AP4S1: variants seen among roughly 807,000 people sequenced by gnomAD.
AP4S1 encodes adaptor related protein complex 4 subunit sigma 1, also known as AP-4 complex subunit sigma-1.
AP4S1 carries 23 observed loss-of-function variants against 19.8 expected under a neutral mutation model. The ratio of observed to expected loss-of-function variants is 1.16; its 90% CI spans 0.84 to 1.65. The LOEUF is 1.65. Ranked by LOEUF, AP4S1 falls within the 40% of genes most tolerant of loss-of-function variation. AP4S1 has a pLI of 0.00. For synonymous variants in AP4S1, 46 were observed against 54.1 expected, an observed-to-expected ratio of 0.85 and a Z score of 0.66; for missense variants, 166 against 172.8, an observed-to-expected ratio of 0.96 and a Z score of 0.22.
chr14:31,069,796 ACT>A (rs755310258), intron 2 of AP4S1, 45 bp from the exon 3 acceptor site: 15 of 1,409,484 alleles, frequency 1.1e-5, no homozygotes, highest in Admixed American at 5.0e-5. Flanking sequence ...ATTTTAAAGA[ACT>A]CTCTCTCAGC....
chr14:31,091,524 G>A (rs575463990), intron 5 of AP4S1, among the ~76,000 whole-genome samples: 2 of 149,374 alleles, frequency 1.3e-5, no homozygotes, highest in African/African-American at 2.5e-5. Flanking sequence ...TCAGAATAAC[G>A]CTTTTTTTTT....
chr14:31,061,122 C>T (rs1396159880), intron 1 of AP4S1, among the ~76,000 whole-genome samples: 9 of 152,124 alleles, frequency 5.9e-5, no homozygotes, highest in African/African-American at 1.9e-4. Flanking sequence ...CTCAAATGAT[C>T]CACTTGCCTC....
chr14:31,063,345 G>T (rs554044095), intron 1 of AP4S1, among the ~76,000 whole-genome samples: 1 of 152,048 alleles, frequency 6.6e-6, no homozygotes, highest in African/African-American at 2.4e-5. Flanking sequence ...CTGGAGAATC[G>T]CTTGAACCCA....
intron 1 of AP4S1, among the ~76,000 whole-genome samples, chr14:31,036,490 G>A (rs2139431172): frequency 6.6e-6 from 1 of 152,276 alleles, no homozygotes; most frequent in South Asian, 2.1e-4. Flanking sequence ...ATAATGTCTA[G>A]CTATCTGAAT....
At chr14:31,041,424 T>C (rs1386606407) in intron 1 of AP4S1, among the ~76,000 whole-genome samples, 1 of 152,152 alleles carries the variant, frequency 6.6e-6, no homozygotes, top group African/African-American at 2.4e-5. Context: ...GCTGGGATTA[T>C]AGGCATGAGC....
intron 5 of AP4S1, chr14:31,084,648 C>T (rs760711245): frequency 2.1e-5 from 31 of 1,504,476 alleles, no homozygotes; most frequent in Admixed American, 9.7e-5. Flanking sequence ...TCCACCCGCC[C>T]GGCTGAAGTG....
At position 31,084,765 on chromosome 14, in the gene AP4S1, T is replaced by C. The variant is rs754858244; in HGVS notation, c.306+4181T>C. ...AATTTTATGAATTAAGGTGTTTTTT[T>C]TAGGAACCAATTGATGAACTTCCCA... On this transcript the variant is annotated intron_variant, in intron 5 of 5. Transcript: ENST00000542754. 3 of 1,614,036 alleles carry C rather than the reference T, an allele frequency of 1.9e-6. No individual in the cohort carries two copies. In the South Asian group the frequency reaches 3.3e-5, roughly 18 times the overall value.
chr14:31,026,090 G>T, intron 1 of AP4S1: 2 of 1,528,406 alleles, frequency 1.3e-6, no homozygotes, highest in Non-Finnish European at 8.8e-7. Context: ...CGTTCCCCCC[G>T]GGCGAAAGGC....
At chr14:31,091,206 T>C (rs895916356) in intron 5 of AP4S1, among the ~76,000 whole-genome samples, 13 of 152,182 alleles carry the variant, frequency 8.5e-5, no homozygotes, top group African/African-American at 3.1e-4. Context: ...TGGGTTAAAA[T>C]TAGATTTCCT....
chr14:31,049,428 A>AAAATATATATATATATATAT (rs1384450221), intron 1 of AP4S1, among the ~76,000 whole-genome samples: 1 of 57,768 alleles, frequency 1.7e-5, no homozygotes, highest in African/African-American at 7.9e-5. Context: ...AAAAAAAAAA[A>AAAATATATATATATATATAT]ATATATATAT....
At chr14:31,086,983 A>G (rs1185016123) in intron 5 of AP4S1, among the ~76,000 whole-genome samples, 5 of 152,040 alleles carry the variant, frequency 3.3e-5, no homozygotes, top group Admixed American at 1.3e-4. Context: ...CTCAGCTTCC[A>G]GAGTAGGAAA....
chr14:31,035,921 G>A (rs962407934), intron 1 of AP4S1, among the ~76,000 whole-genome samples: 3 of 151,660 alleles, frequency 2.0e-5, no homozygotes, highest in Admixed American at 6.6e-5. Context: ...TGGTAGAGAC[G>A]GGGTTTCACC....
At chr14:31,026,597 T>A in intron 1 of AP4S1, 1 of 164,524 alleles carries the variant, frequency 6.1e-6, no homozygotes, top group East Asian at 1.7e-4. Flanking sequence ...GGGAAAGAGC[T>A]CGGGCTCCGC....
At chr14:31,078,212 T>C (rs1483950336) in intron 4 of AP4S1, among the ~76,000 whole-genome samples, 1 of 152,202 alleles carries the variant, frequency 6.6e-6, no homozygotes, top group African/African-American at 2.4e-5. Context: ...CTTTAAAATC[T>C]ATCTCTGTGT....
chr14:31,040,862 T>A (rs1885066706), intron 1 of AP4S1, among the ~76,000 whole-genome samples: 1 of 151,894 alleles, frequency 6.6e-6, no homozygotes, highest in Admixed American at 6.6e-5. Flanking sequence ...AATAAGAATT[T>A]AAAAAATTAG....
At chr14:31,083,350 ACAT>A (rs1211439758) in intron 5 of AP4S1, 5 of 407,386 alleles carry the variant, frequency 1.2e-5, no homozygotes, top group African/African-American at 4.2e-5. Flanking sequence ...TAGGAATTTT[ACAT>A]CATTTAGAGA....
intron 4 of AP4S1, among the ~76,000 whole-genome samples, chr14:31,074,075 C>T (rs1483174288): frequency 3.3e-5 from 5 of 150,782 alleles, no homozygotes; most frequent in African/African-American, 2.4e-5. Context: ...GCCTGTAATC[C>T]CAGCACTTTG....
At chr14:31,049,459 A>ATATG (rs1213381945) in intron 1 of AP4S1, among the ~76,000 whole-genome samples, 11 of 74,420 alleles carry the variant, frequency 1.5e-4, no homozygotes, top group African/African-American at 6.4e-4. Context: ...ATATATATAT[A>ATATG]TATGTATATA....
intron 4 of AP4S1, among the ~76,000 whole-genome samples, chr14:31,079,852 A>G (rs1887547766): frequency 6.6e-6 from 1 of 150,970 alleles, no homozygotes; most frequent in African/African-American, 2.4e-5. Context: ...ATAAATAAAT[A>G]AAATAGATTT....
Sources: allele counts gnomAD v4.1 joint callset (sites outside exome capture counted in the v4.1 genomes callset), GRCh38; gene constraint gnomAD v4.1.1; transcripts MANE v1.5; gene names NCBI Gene and HGNC (gene_info 2026-07-23, HGNC 2026-07-21).